CD226: variants seen among roughly 807,000 people sequenced by gnomAD.
CD226 encodes the protein CD226 antigen.
Under a neutral mutation model 34.9 loss-of-function variants are expected in CD226, and 24 were observed. The ratio of observed to expected loss-of-function variants is 0.69; its 90% CI spans 0.50 to 0.97. The LOEUF is 0.97. Ranked by LOEUF, CD226 falls within the 50% of genes least tolerant of loss-of-function variation. The pLI is 0.00. For synonymous variants in CD226, 148 were observed against 147.4 expected (o/e 1.00, Z -0.03); for missense variants, 397 against 412.7 (o/e 0.96, Z 0.33).
chr18:69,881,641 A>G (rs1345986394), intron 3 of CD226, among the ~76,000 whole-genome samples: 2 of 152,216 alleles, frequency 1.3e-5, no homozygotes, highest in Non-Finnish European at 2.9e-5. Context: ...CACATTCCAA[A>G]TGAGGGTTAA....
At chr18:69,956,398 T>C (rs1414048166) in intron 1 of CD226, among the ~76,000 whole-genome samples, 1 of 152,246 alleles carries the variant, frequency 6.6e-6, no homozygotes, top group Admixed American at 6.5e-5. Flanking sequence ...TCATCCTTGT[T>C]CAGTCTTGCT....
At chr18:69,895,595 A>C in intron 3 of CD226, 106 bp downstream of exon 3, 2 of 794,154 alleles carry the variant, frequency 2.5e-6, no homozygotes, top group Non-Finnish European at 4.2e-6. Flanking sequence ...AAAATGCTGA[A>C]TATGCGCATT....
chr18:69,907,039 C>A (rs1295400108), intron 2 of CD226, among the ~76,000 whole-genome samples: 1 of 152,134 alleles, frequency 6.6e-6, no homozygotes, highest in Non-Finnish European at 1.5e-5. Context: ...CAGTGACTGA[C>A]CCTGGTAGAG....
At chr18:69,897,188 A>C (rs1450987453) in intron 2 of CD226, among the ~76,000 whole-genome samples, 1 of 152,166 alleles carries the variant, frequency 6.6e-6, no homozygotes, top group South Asian at 2.1e-4. Flanking sequence ...CTTGTGTTTT[A>C]AATTTTGCTC....
At chr18:69,950,244 ACTCT>A (rs373137560), upstream of CD226, among the ~76,000 whole-genome samples, 1 of 151,710 alleles carries the variant, frequency 6.6e-6, no homozygotes, top group African/African-American at 2.4e-5. Flanking sequence ...ATTTGCACAC[ACTCT>A]CACACACTCT....
intron 3 of CD226, among the ~76,000 whole-genome samples, chr18:69,878,834 CA>C (rs1325523207): frequency 6.6e-6 from 1 of 152,106 alleles, no homozygotes; most frequent in African/African-American, 2.4e-5. Context: ...GAAACAAAAG[CA>C]AAATCATCCC....
chr18:69,891,376 T>C (rs1054631559), intron 3 of CD226, among the ~76,000 whole-genome samples: 1 of 151,674 alleles, frequency 6.6e-6, no homozygotes, highest in African/African-American at 2.4e-5. Context: ...ACAGCTAACA[T>C]CATACCAAGT....
chr18:69,877,009 A>G (rs1315520190), intron 3 of CD226, among the ~76,000 whole-genome samples: 2 of 149,306 alleles, frequency 1.3e-5, no homozygotes, highest in Non-Finnish European at 3.0e-5. Flanking sequence ...GATTACAGGC[A>G]CCCGCCACTA....
Position 69,946,766 on chromosome 18 carries a change from G to C in CD226, c.350C>G (p.Thr117Ser). The change falls in exon 2 of 6, where the codon ACT (threonine) becomes AGT (serine). Residue 117 changes from threonine to serine, a missense_variant. Thr to Ser is a moderately conservative substitution (Grantham distance 58). Coordinates refer to ENST00000582621, the MANE Select transcript of CD226 (RefSeq NM_001303618.2). ...AACCACCTGTATCACCTTCTGCCAA[G>C]TTCCCTGTGGGTAAGTGTAAAGAGA... Reference protein sequence around the residue: ...SCSLYTYPQGTWQKVIQVVQS... With the variant: ...SCSLYTYPQGSWQKVIQVVQS... 6.2e-7 allele frequency: 1 copy of C among 1,613,366 alleles called. No homozygotes were observed. Among genetic ancestry groups the C allele is most frequent in the African/African-American group, 1.3e-5 (1 of 74,860 alleles).
At chr18:69,950,200 G>A (rs1286307390), upstream of CD226, among the ~76,000 whole-genome samples, 7 of 151,486 alleles carry the variant, frequency 4.6e-5, no homozygotes, top group African/African-American at 1.7e-4. Context: ...TCACATGCAC[G>A]CACACATGCA....
chr18:69,901,310 T>C (rs1275867146), intron 2 of CD226, among the ~76,000 whole-genome samples: 1 of 152,140 alleles, frequency 6.6e-6, no homozygotes, highest in Non-Finnish European at 1.5e-5. Flanking sequence ...TTATTGCTGT[T>C]TTGTGAGGGG....
chr18:69,858,585 T>C lies in CD226; in HGVS notation c.*5729A>G, dbSNP rs979714547. ...TCTAGGGAGGGTATCGAAGCCCAAA[T>C]TGTTGCTTTCTGCAGGAAACGAGTG... is the stretch of plus-strand genomic sequence containing the variant. On this transcript the variant is annotated 3_prime_UTR_variant, in exon 6 of 6. Coordinates refer to ENST00000582621, the MANE Select transcript of CD226 (RefSeq NM_001303618.2). 6.6e-6 allele frequency: 1 copy of C among 152,024 alleles called. No homozygotes were observed. Among genetic ancestry groups the C allele is most frequent in the African/African-American group, 2.4e-5 (1 of 41,362 alleles). The allele number at this position is 152,024 out of a possible 1,614,324, so 9.4% of individuals were successfully genotyped here. A position where few individuals can be genotyped will look rare whatever the true frequency, so the allele number is the denominator to read the frequency against.
At chr18:69,956,918 G>C (rs2055902783) in exon 1 of CD226, 1 of 152,220 alleles carries the variant, frequency 6.6e-6, no homozygotes, top group Admixed American at 6.5e-5. Flanking sequence ...AGGAGCTGAG[G>C]GGAGCGTTCA....
intron 4 of CD226, among the ~76,000 whole-genome samples, chr18:69,868,220 G>A (rs1334106272): frequency 6.6e-6 from 1 of 152,188 alleles, no homozygotes; most frequent in Non-Finnish European, 1.5e-5. Flanking sequence ...ATATAAAATA[G>A]TTATTATAGG....
upstream of CD226, among the ~76,000 whole-genome samples, chr18:69,957,350 C>CT (rs11373057): frequency 0.75 from 112,317 of 149,518 alleles, 49,776 homozygotes; most frequent in East Asian, 1. Context: ...TCTAGATACT[C>CT]TTTTTTTTTT....
rs1018100257 is a variant in CD226, at chr18:69,857,408, T to G, written c.*6906A>C. The G allele has an allele frequency of 3.3e-5, 5 of 152,202 alleles. No homozygotes were observed. The highest frequency in any genetic ancestry group is 4.8e-5 in the African/African-American group (2 of 41,442). The allele number at this position is 152,202 out of a possible 1,614,324, so 9.4% of individuals were successfully genotyped here. A position where few individuals can be genotyped will look rare whatever the true frequency, so the allele number is the denominator to read the frequency against. On this transcript the variant is annotated 3_prime_UTR_variant, in exon 6 of 6. Coordinates refer to ENST00000582621, the MANE Select transcript of CD226 (RefSeq NM_001303618.2). The stretch of plus-strand genomic sequence containing the variant: ...ATCCAAAGCTGTTACTCAGAAAACT[T>G]AGTATCACTGAGAGTATATTGGAGA...
intron 2 of CD226, among the ~76,000 whole-genome samples, chr18:69,942,263 C>G (rs925192238): frequency 6.6e-6 from 1 of 152,208 alleles, no homozygotes; most frequent in African/African-American, 2.4e-5. Flanking sequence ...CACATTGGTT[C>G]TCTTTCTCTG....
upstream of CD226, among the ~76,000 whole-genome samples, chr18:69,949,404 TCTATTATGTC>T (rs1421777251): frequency 2.6e-5 from 4 of 152,178 alleles, no homozygotes; most frequent in Admixed American, 6.5e-5. Flanking sequence ...ATTAATTTCA[TCTATTATGTC>T]CTATTATGTC....
chr18:69,876,846 C>T (rs1983895716), intron 3 of CD226, among the ~76,000 whole-genome samples: 1 of 147,948 alleles, frequency 6.8e-6, no homozygotes, highest in Admixed American at 7.0e-5. Flanking sequence ...CAAGTCCAGG[C>T]CTCTAGAACT....
Sources: gnomAD v4.1 joint callset for allele counts (sites outside exome capture counted in the v4.1 genomes callset) on GRCh38, gnomAD v4.1.1 for gene constraint, MANE v1.5 for transcripts, NCBI Gene and HGNC (gene_info 2026-07-23, HGNC 2026-07-21) for gene names.